Variants in KHDRBS2 observed in about 807,000 individuals in gnomAD.
The protein encoded by KHDRBS2 is KH domain-containing, RNA-binding, signal transduction-associated protein 2.
In KHDRBS2, 26 loss-of-function variants were observed where a neutral mutation model predicts 44.3. That is an observed-to-expected ratio of 0.59 (90% CI 0.43 to 0.81). The LOEUF (loss-of-function observed/expected upper bound fraction) is 0.81, where lower values mean the gene tolerates loss of function less well. KHDRBS2 is among the 40% of genes least tolerant of loss of function. KHDRBS2 has a pLI of 0.00. For missense variants in KHDRBS2, 476 were observed against 433.1 expected, an observed-to-expected ratio of 1.10 and a Z score of -0.88; for synonymous variants, 194 against 151.1, an observed-to-expected ratio of 1.28 and a Z score of -2.08.
intron 2 of KHDRBS2, among the ~76,000 whole-genome samples, chr6:62,138,030 T>C (rs1254902777): frequency 6.6e-6 from 1 of 152,184 alleles, no homozygotes; most frequent in African/African-American, 2.4e-5. Context: ...TATTCTCTCA[T>C]TGCCTAGGAC....
At chr6:61,588,360 A>T in the KHDRBS2 span, among the ~76,000 whole-genome samples, 2 of 152,160 alleles carry the variant, frequency 1.3e-5, no homozygotes, top group Non-Finnish European at 1.5e-5. Flanking sequence ...TCCTCTTTTG[A>T]GGTTGCAGAA....
chr6:61,550,406 A>G, the KHDRBS2 span, among the ~76,000 whole-genome samples: 2 of 152,162 alleles, frequency 1.3e-5, no homozygotes, highest in Non-Finnish European at 2.9e-5. Context: ...TCCATGGTGC[A>G]TATGTACCAC....
At chr6:61,884,521 CT>C (rs1583322210) in intron 6 of KHDRBS2, among the ~76,000 whole-genome samples, 1 of 151,898 alleles carries the variant, frequency 6.6e-6, no homozygotes, top group South Asian at 2.1e-4. Context: ...CTTTGTTTTT[CT>C]TTTTTATCTG....
intron 6 of KHDRBS2, among the ~76,000 whole-genome samples, chr6:61,892,240 T>C (rs998941734): frequency 1.6e-4 from 24 of 151,884 alleles, no homozygotes; most frequent in African/African-American, 5.8e-4. Flanking sequence ...CACTGCTCAA[T>C]GAAATAAAAG....
At chr6:62,021,042 T>C (rs1361524514) in intron 3 of KHDRBS2, among the ~76,000 whole-genome samples, 1 of 152,084 alleles carries the variant, frequency 6.6e-6, no homozygotes, top group South Asian at 2.1e-4. Context: ...TGAAATATTA[T>C]GCACCCATGG....
At chr6:62,051,358 C>A (rs557488128) in intron 2 of KHDRBS2, among the ~76,000 whole-genome samples, 2 of 151,804 alleles carry the variant, frequency 1.3e-5, no homozygotes, top group Non-Finnish European at 2.9e-5. Flanking sequence ...AGGTCTCATC[C>A]GTTTTGGGTT....
the KHDRBS2 span, among the ~76,000 whole-genome samples, chr6:61,615,069 C>T: frequency 2.0e-5 from 3 of 151,106 alleles, no homozygotes; most frequent in African/African-American, 7.3e-5. Flanking sequence ...CCCCTTTCTA[C>T]TAAAAATACA....
chr6:61,878,192 C>T (rs1269104834), intron 6 of KHDRBS2, among the ~76,000 whole-genome samples: 1 of 151,922 alleles, frequency 6.6e-6, no homozygotes, highest in East Asian at 1.9e-4. Flanking sequence ...CCAGTTCCTG[C>T]TGCCCTGCAT....
At chr6:61,713,222 G>A (rs1222466924) in intron 7 of KHDRBS2, among the ~76,000 whole-genome samples, 1 of 151,572 alleles carries the variant, frequency 6.6e-6, no homozygotes, top group Non-Finnish European at 1.5e-5. Flanking sequence ...ATACTTTAAT[G>A]TACCATATTT....
intron 6 of KHDRBS2, among the ~76,000 whole-genome samples, chr6:61,844,553 G>GT (rs1272334100): frequency 9.2e-5 from 14 of 152,102 alleles, no homozygotes; most frequent in African/African-American, 3.4e-4. Context: ...GATATTTTAT[G>GT]TTTCTTATGG....
At chr6:62,044,873 G>GA (rs1479740503) in intron 3 of KHDRBS2, among the ~76,000 whole-genome samples, 15 of 152,208 alleles carry the variant, frequency 9.9e-5, no homozygotes, top group African/African-American at 3.6e-4. Context: ...TTTGGTCAAG[G>GA]AGAGTCTTTG....
chr6:61,613,462 G>A, the KHDRBS2 span, among the ~76,000 whole-genome samples: 21 of 152,246 alleles, frequency 1.4e-4, no homozygotes, highest in Admixed American at 7.9e-4. Context: ...CAGCAGCCCC[G>A]ACAGATGACA....
intron 2 of KHDRBS2, among the ~76,000 whole-genome samples, chr6:62,103,723 A>G (rs1802460162): frequency 6.6e-6 from 1 of 151,984 alleles, no homozygotes; most frequent in Admixed American, 6.5e-5. Flanking sequence ...TGTCTCTCCC[A>G]CTACAGCTGG....
chr6:61,629,942 C>A, the KHDRBS2 span, among the ~76,000 whole-genome samples: 5 of 152,244 alleles, frequency 3.3e-5, no homozygotes, highest in East Asian at 7.7e-4. Flanking sequence ...TCTTGTAGTT[C>A]TTCTATATTC....
chr6:61,649,145 G>A, the KHDRBS2 span, among the ~76,000 whole-genome samples: 1 of 152,066 alleles, frequency 6.6e-6, no homozygotes, highest in South Asian at 2.1e-4. Flanking sequence ...GGGAAGGAGT[G>A]CAAGGGAACT....
chr6:61,958,390 C>T (rs977302399), intron 4 of KHDRBS2, among the ~76,000 whole-genome samples: 14 of 152,088 alleles, frequency 9.2e-5, no homozygotes, highest in Admixed American at 7.2e-4. Flanking sequence ...GATAAAAATG[C>T]CCACACCCTT....
chr6:61,715,569 C>A (rs1175647852), intron 7 of KHDRBS2, among the ~76,000 whole-genome samples: 3 of 151,992 alleles, frequency 2.0e-5, no homozygotes, highest in Non-Finnish European at 4.4e-5. Flanking sequence ...CTCAGCCTGG[C>A]ATCAGCTCTT....
chr6:62,017,219 C>G (rs916449171), intron 3 of KHDRBS2, among the ~76,000 whole-genome samples: 8 of 152,070 alleles, frequency 5.3e-5, no homozygotes, highest in Admixed American at 3.9e-4. Flanking sequence ...ATGGTGTTTT[C>G]AGTAGCACTC....
intron 2 of KHDRBS2, among the ~76,000 whole-genome samples, chr6:62,158,189 T>G (rs780296635): frequency 2.8e-4 from 42 of 152,328 alleles, no homozygotes; most frequent in Non-Finnish European, 6.0e-4. Context: ...TCCAACTATC[T>G]GTTTTATTAC....
Sources: gnomAD v4.1 joint callset for allele counts (sites outside exome capture counted in the v4.1 genomes callset) on GRCh38, gnomAD v4.1.1 for gene constraint, MANE v1.5 for transcripts, NCBI Gene and HGNC (gene_info 2026-07-23, HGNC 2026-07-21) for gene names.